RFX8: variants seen among roughly 807,000 people sequenced by gnomAD.
The protein encoded by RFX8 is DNA-binding protein RFX8.
A neutral mutation model predicts 54.6 loss-of-function variants in RFX8; 46 were observed. The observed-to-expected ratio is 0.84, with a 90% CI of 0.67 to 1.08. The LOEUF is 1.08. Among genes scored for constraint, RFX8 ranks in the 50% least tolerant of loss-of-function variants. The probability of loss-of-function intolerance (pLI) is 0.00; values close to 1 mark genes in which losing one functional copy is unlikely to be tolerated. For synonymous variants in RFX8, 192 were observed against 209.5 expected (o/e 0.92, Z 0.72); for missense variants, 536 against 562.3 (o/e 0.95, Z 0.47).
chr2:101,471,121 G>A (rs1689960325), intron 1 of RFX8, among the ~76,000 whole-genome samples: 1 of 151,858 alleles, frequency 6.6e-6, no homozygotes, highest in South Asian at 2.1e-4. Flanking sequence ...ATCACCTGAG[G>A]TCAGGAGTTC....
intron 2 of RFX8, among the ~76,000 whole-genome samples, chr2:101,461,682 A>G (rs1489953577): frequency 2.0e-5 from 3 of 152,224 alleles, no homozygotes; most frequent in Admixed American, 6.5e-5. Flanking sequence ...AATACAACAC[A>G]GTTAAAATGA....
At chr2:101,410,762 G>A (rs1440537098) in intron 8 of RFX8, 49 bp from the exon 9 acceptor site, 4 of 970,518 alleles carry the variant, frequency 4.1e-6, no homozygotes, top group Non-Finnish European at 6.4e-6. Flanking sequence ...CAGCAGAGCA[G>A]AATTTCTCTT....
Position 101,402,733 on chromosome 2 carries a change from G to A in RFX8, c.948C>T (p.His316=). Residue 316 remains histidine, a synonymous_variant, in exon 11 of 12, where the codon CAC becomes CAT. Transcript: ENST00000428343. ...RDSFGSWHLF[H]LLLLEYMIHI... ...GAATCATATATTCCAAAAGCAACAA[G>A]TGAAACAGATGCCAGGAGCCTACAT... The A allele has an allele frequency of 6.5e-7, 1 of 1,547,000 alleles. No homozygotes were observed. Among genetic ancestry groups the A allele is most frequent in the Non-Finnish European group, 8.8e-7 (1 of 1,142,774 alleles).
intron 4 of RFX8, 126 bp downstream of exon 4, chr2:101,421,598 A>G: frequency 6.9e-7 from 1 of 1,444,718 alleles, no homozygotes; most frequent in Non-Finnish European, 9.1e-7. Flanking sequence ...TAAGCACTTC[A>G]GTGCAGTGGG....
At chr2:101,450,023 C>G (rs1688592414) in intron 2 of RFX8, among the ~76,000 whole-genome samples, 1 of 151,946 alleles carries the variant, frequency 6.6e-6, no homozygotes, top group East Asian at 1.9e-4. Flanking sequence ...GGATGACACT[C>G]AAAATGAGAA....
intron 2 of RFX8, among the ~76,000 whole-genome samples, chr2:101,432,390 C>A (rs942126019): frequency 6.6e-6 from 1 of 152,136 alleles, no homozygotes; most frequent in Non-Finnish European, 1.5e-5. Flanking sequence ...GAGTGTCTGG[C>A]AGATTCAGAG....
At chr2:101,432,181 G>A (rs1687523266) in intron 2 of RFX8, among the ~76,000 whole-genome samples, 1 of 152,306 alleles carries the variant, frequency 6.6e-6, no homozygotes, top group Non-Finnish European at 1.5e-5. Flanking sequence ...GGGTCAACAT[G>A]TAGGTTTAAT....
intron 2 of RFX8, among the ~76,000 whole-genome samples, chr2:101,462,809 A>C (rs6759881): frequency 0.24 from 36,939 of 152,078 alleles, 5,090 homozygotes; most frequent in South Asian, 0.35. Context: ...CCTGATGGCT[A>C]TCTGTCTGTC....
chr2:101,468,653 G>T (rs934435469), intron 1 of RFX8, among the ~76,000 whole-genome samples: 7 of 151,772 alleles, frequency 4.6e-5, no homozygotes, highest in Non-Finnish European at 1.0e-4. Flanking sequence ...TCCTAATTCA[G>T]GATGACTTCA....
chr2:101,431,391 C>T (rs894610413), intron 2 of RFX8, among the ~76,000 whole-genome samples: 2 of 152,186 alleles, frequency 1.3e-5, no homozygotes, highest in Admixed American at 1.3e-4. Flanking sequence ...ATCCTATTCT[C>T]TTGTTAGTCC....
rs201832728 is a variant in RFX8, at chr2:101,402,667, C to T, written c.1014G>A (p.Glu338=). The T allele has an allele frequency of 1.1e-3, 1,755 of 1,553,952 alleles. 4 individuals are homozygous for T. Among genetic ancestry groups the T allele is most frequent in the Non-Finnish European group, 1.3e-3 (1,487 of 1,147,574 alleles). ...GCATTTCCTTGACAGTCCCCATGTC[C>T]TCCTCCTCCTCTTCCTCCTCTAGGC... ...QSCLEEEEEE[E]DMGTVKEMLP... The change falls in exon 11 of 12, where the codon GAG becomes GAA. Residue 338 remains glutamate (E), a synonymous_variant. Transcript: ENST00000428343.
At chr2:101,452,367 C>G in intron 2 of RFX8, 1 of 1,395,252 alleles carries the variant, frequency 7.2e-7, no homozygotes, top group Non-Finnish European at 9.4e-7. Context: ...TGAAATAAAA[C>G]AAAAATTCTA....
intron 2 of RFX8, among the ~76,000 whole-genome samples, chr2:101,441,896 T>C (rs1255267042): frequency 1.3e-5 from 2 of 152,262 alleles, no homozygotes; most frequent in African/African-American, 4.8e-5. Flanking sequence ...ATAATTTACA[T>C]TTAAGGGAAT....
At chr2:101,433,099 C>T (rs925689) in intron 2 of RFX8, among the ~76,000 whole-genome samples, 149,160 of 152,260 alleles carry the variant, frequency 0.98, 73,224 homozygotes, top group Middle Eastern at 1. Context: ...TGAGAATTCC[C>T]GCAGCACAGT....
Position 101,421,745 on chromosome 2 carries a change from A to G in RFX8, c.216T>C (p.Tyr72=). 6.5e-7 allele frequency: 1 copy of G among 1,550,218 alleles called. No individual in the cohort carries two copies. Among genetic ancestry groups the G allele is most frequent in the Non-Finnish European group, 8.7e-7 (1 of 1,146,272 alleles). ...TCACATTTCGTAAAATGTCTCGACA[A>G]TAGTTGCAGTATTCGTCAGCAAGGA... ...MAFLADEYCN[Y]CRDILRNVED... The change falls in exon 4 of 12, where the codon TAT becomes TAC. Residue 72 remains tyrosine, a synonymous_variant. Transcript: ENST00000428343.
At chr2:101,409,530 G>A (rs967246950) in intron 9 of RFX8, among the ~76,000 whole-genome samples, 1 of 150,326 alleles carries the variant, frequency 6.7e-6, no homozygotes, top group East Asian at 2.0e-4. Context: ...CCGGCCAGAC[G>A]GAGTCTTTTG....
chr2:101,469,085 TATATATAA>T (rs1689802295), intron 1 of RFX8, among the ~76,000 whole-genome samples: 1 of 46,862 alleles, frequency 2.1e-5, no homozygotes, highest in African/African-American at 1.7e-4. Context: ...TATAAGTGTA[TATATATAA>T]GTATATATAT....
At chr2:101,466,541 G>T (rs539742508) in intron 2 of RFX8, among the ~76,000 whole-genome samples, 1 of 152,230 alleles carries the variant, frequency 6.6e-6, no homozygotes, top group South Asian at 2.1e-4. Context: ...CATTCCCTTA[G>T]GTGCTACCCA....
intron 2 of RFX8, among the ~76,000 whole-genome samples, chr2:101,462,892 T>G (rs1045318462): frequency 3.3e-5 from 5 of 152,134 alleles, no homozygotes; most frequent in African/African-American, 1.2e-4. Context: ...CACACTCAAG[T>G]GAAAATAACC....
Sources: gnomAD v4.1 joint callset for allele counts (sites outside exome capture counted in the v4.1 genomes callset) on GRCh38, gnomAD v4.1.1 for gene constraint, MANE v1.5 for transcripts, NCBI Gene and HGNC (gene_info 2026-07-23, HGNC 2026-07-21) for gene names.